The following CCNH variants were observed in gnomAD, a reference collection of about 807,000 sequenced individuals.
CCNH encodes the protein cyclin-H.
Under a neutral mutation model 41.9 loss-of-function variants are expected in CCNH, and 31 were observed. The observed-to-expected ratio is 0.74, with a 90% CI of 0.56 to 1.00. CCNH has a LOEUF of 1.00. CCNH is among the 50% of genes least tolerant of loss of function. The probability of loss-of-function intolerance (pLI) is 0.00; values close to 1 mark genes in which losing one functional copy is unlikely to be tolerated. For synonymous variants in CCNH, 138 were observed against 136.1 expected, an observed-to-expected ratio of 1.01 and a Z score of -0.10; for missense variants, 362 against 388.4, an observed-to-expected ratio of 0.93 and a Z score of 0.57.
chr5:87,319,186 G>A (rs367792290), intron 9 of CCNH, among the ~76,000 whole-genome samples: 19 of 152,368 alleles, frequency 1.2e-4, no homozygotes, highest in Non-Finnish European at 1.5e-4. Context: ...TAATGGGCTG[G>A]CATTGAGTGC....
chr5:87,363,576 A>G (rs947143644), intron 9 of CCNH: 12 of 1,505,130 alleles, frequency 8.0e-6, no homozygotes, highest in East Asian at 2.3e-5. Flanking sequence ...AAGCAAACCA[A>G]TTTTGAGAGC....
At chr5:87,401,678 T>C in intron 6 of CCNH, 24 bp downstream of exon 6, 1 of 1,426,440 alleles carries the variant, frequency 7.0e-7, no homozygotes, top group Non-Finnish European at 9.7e-7. Context: ...AGAAACATTT[T>C]GTAAAGTGTT....
At chr5:87,360,283 C>T (rs925038237) in intron 9 of CCNH, among the ~76,000 whole-genome samples, 4 of 152,196 alleles carry the variant, frequency 2.6e-5, no homozygotes, top group East Asian at 1.9e-4. Flanking sequence ...CGCGCCACCA[C>T]GCCCAGCTAA....
chr5:87,314,786 A>G (rs1200227041), downstream of CCNH, among the ~76,000 whole-genome samples: 1 of 152,192 alleles, frequency 6.6e-6, no homozygotes, highest in Non-Finnish European at 1.5e-5. Flanking sequence ...AGATATCCAG[A>G]TTGAAAGATC....
At chr5:87,354,752 C>A (rs958317268) in intron 9 of CCNH, among the ~76,000 whole-genome samples, 2 of 152,074 alleles carry the variant, frequency 1.3e-5, no homozygotes, top group Non-Finnish European at 1.5e-5. Context: ...GTCTCTTGCA[C>A]CAAACAGCAA....
rs1016585685 is a variant in CCNH, at chr5:87,404,708, CA to C, written c.689+135del. The stretch of plus-strand genomic sequence containing the variant: ...TTTTCATGATGTTTAAAGATTTCCT[CA>C]AAAGGCAATTTCATTTCTTCTTCTC... On this transcript the variant is annotated intron_variant, in intron 5 of 8. Coordinates refer to ENST00000256897, the MANE Select transcript of CCNH (RefSeq NM_001239.4). 2.4e-5 allele frequency: 16 copies of C among 677,756 alleles called. No homozygotes were observed. In the African/African-American group the frequency reaches 2.7e-4, roughly 12 times the overall value. 42.0% of individuals were successfully genotyped at this position (677,756 alleles called of 1,614,324 possible). A position where few individuals can be genotyped will look rare whatever the true frequency, so the allele number is the denominator to read the frequency against.
intron 7 of CCNH, among the ~76,000 whole-genome samples, chr5:87,397,812 T>C (rs555060637): frequency 7.9e-5 from 12 of 152,366 alleles, no homozygotes; most frequent in South Asian, 2.1e-4. Context: ...ACTTTTTCTT[T>C]AAAGAGACAG....
chr5:87,404,911 T>G lies in CCNH; in HGVS notation c.622A>C (p.Thr208Pro), dbSNP rs1343771894. The G allele has an allele frequency of 6.2e-7, 1 of 1,613,286 alleles. No individual in the cohort carries two copies. Among genetic ancestry groups the G allele is most frequent in the Non-Finnish European group, 8.5e-7 (1 of 1,179,542 alleles). ...IALTDAYLLY[T>P]PSQIALTAIL... is the part of the protein sequence containing the mutation. ...GCAGTCAGGGCAATTTGGGAAGGTG[T>G]GTATAAAAGGTAAGCATCCGTCAAT... Residue 208 changes from threonine to proline, a missense_variant, in exon 5 of 9, where the codon ACA (threonine) becomes CCA (proline). Thr to Pro is a conservative substitution (Grantham distance 38, BLOSUM62 -1). Transcript: ENST00000256897.
At chr5:87,381,125 A>T (rs975287964), upstream of CCNH, among the ~76,000 whole-genome samples, 1 of 152,124 alleles carries the variant, frequency 6.6e-6, no homozygotes, top group Non-Finnish European at 1.5e-5. Flanking sequence ...TCATTATTCT[A>T]TAGGAAGAAC....
chr5:87,387,610 AG>A (rs1450585109), downstream of CCNH, among the ~76,000 whole-genome samples: 1 of 152,108 alleles, frequency 6.6e-6, no homozygotes, highest in Non-Finnish European at 1.5e-5. Context: ...GCATGGCATT[AG>A]GGAGTGCTAG....
intron 4 of CCNH, among the ~76,000 whole-genome samples, chr5:87,405,427 C>A (rs1763720419): frequency 6.6e-6 from 1 of 152,048 alleles, no homozygotes; most frequent in South Asian, 2.1e-4. Flanking sequence ...ACTTCGAATT[C>A]CCACAGAAAA....
At chr5:87,377,391 CGCAGTCT>C (rs1301004723), upstream of CCNH, among the ~76,000 whole-genome samples, 2 of 152,124 alleles carry the variant, frequency 1.3e-5, no homozygotes, top group Non-Finnish European at 2.9e-5. Flanking sequence ...AGTGCAGTGG[CGCAGTCT>C]CGGCTCACTG....
chr5:87,397,169 G>GTT (rs576576828), intron 7 of CCNH, among the ~76,000 whole-genome samples: 2 of 144,154 alleles, frequency 1.4e-5, no homozygotes, highest in African/African-American at 2.5e-5. Flanking sequence ...TTTTTTTTTT[G>GTT]TTTTTTTTTT....
intron 9 of CCNH, among the ~76,000 whole-genome samples, chr5:87,342,162 C>CTTT (rs531793273): frequency 7.2e-6 from 1 of 139,782 alleles, no homozygotes; most frequent in Non-Finnish European, 1.6e-5. Flanking sequence ...GTTATTTTTT[C>CTTT]TTTTTTTTTT....
At chr5:87,377,231 T>C (rs1761388691), upstream of CCNH, 5 of 707,850 alleles carry the variant, frequency 7.1e-6, no homozygotes, top group South Asian at 3.6e-5. Context: ...GAAGCTGATA[T>C]TTCTAATGTA....
intron 9 of CCNH, among the ~76,000 whole-genome samples, chr5:87,364,499 G>C (rs1228596369): frequency 1.3e-5 from 2 of 152,044 alleles, no homozygotes; most frequent in African/African-American, 4.8e-5. Flanking sequence ...TTCATTTTAC[G>C]AAGATACCCT....
intron 9 of CCNH, among the ~76,000 whole-genome samples, chr5:87,355,047 A>G (rs1452138012): frequency 2.0e-5 from 3 of 152,188 alleles, no homozygotes; most frequent in African/African-American, 7.2e-5. Flanking sequence ...GAAAGATGCT[A>G]TCTCCATAAC....
chr5:87,401,636 G>A lies in CCNH; in HGVS notation c.760+66C>T. ...TGTTATATTTCTAGTTAAACACCAA[G>A]AGATTTATTTAGAAAGGAGCTTTGT... On this transcript the variant is annotated intron_variant, in intron 6 of 8. Transcript: ENST00000256897. 1.4e-5 allele frequency: 13 copies of A among 950,944 alleles called. No individual in the cohort carries two copies. In the South Asian group the frequency reaches 2.0e-4, roughly 15 times the overall value. 58.9% of individuals were successfully genotyped at this position (950,944 alleles called of 1,614,324 possible).
downstream of CCNH, among the ~76,000 whole-genome samples, chr5:87,393,119 T>G (rs1762640632): frequency 6.7e-6 from 1 of 148,220 alleles, no homozygotes; most frequent in African/African-American, 2.6e-5. Flanking sequence ...TGTAAAGAAT[T>G]ATTGTTAGAG....
Sources: gnomAD v4.1 joint callset for allele counts (sites outside exome capture counted in the v4.1 genomes callset) on GRCh38, gnomAD v4.1.1 for gene constraint, MANE v1.5 for transcripts, NCBI Gene and HGNC (gene_info 2026-07-23, HGNC 2026-07-21) for gene names.